Variants in WNT9A observed in about 807,000 individuals in gnomAD.
WNT9A encodes the protein Wnt family member 9A.
Under a neutral mutation model 31.4 loss-of-function variants are expected in WNT9A, and 8 were observed. The observed-to-expected ratio is 0.26, with a 90% CI of 0.15 to 0.46. The LOEUF (loss-of-function observed/expected upper bound fraction) is 0.46. Among genes scored for constraint, WNT9A ranks in the 20% least tolerant of loss-of-function variants. The pLI is 0.99. For synonymous variants in WNT9A, 236 were observed against 220.1 expected, an observed-to-expected ratio of 1.07 and a Z score of -0.64; for missense variants, 457 against 522.9, an observed-to-expected ratio of 0.87 and a Z score of 1.23.
intron 3 of WNT9A, 111 bp from the exon 4 acceptor site, chr1:227,922,111 G>A (rs905905488): frequency 6.8e-7 from 1 of 1,462,974 alleles, no homozygotes; most frequent in South Asian, 1.4e-5. Context: ...CCCAGGCCCA[G>A]GCCCTGCCGG....
chr1:227,939,448 C>CACCT (rs944454796), intron 1 of WNT9A, among the ~76,000 whole-genome samples: 3 of 152,172 alleles, frequency 2.0e-5, no homozygotes, highest in African/African-American at 7.2e-5. Context: ...GGGATTGGGC[C>CACCT]ACCCTGGGAG....
At chr1:227,929,701 G>A (rs867894034) in intron 1 of WNT9A, among the ~76,000 whole-genome samples, 33 of 152,360 alleles carry the variant, frequency 2.2e-4, no homozygotes, top group African/African-American at 7.5e-4. Flanking sequence ...AGGCGCAGTG[G>A]TGCATGCCTG....
chr1:227,946,940 T>A (rs1572138808), intron 1 of WNT9A, among the ~76,000 whole-genome samples: 2 of 151,942 alleles, frequency 1.3e-5, no homozygotes, highest in African/African-American at 2.4e-5. Flanking sequence ...GCGCTCGGGG[T>A]AGGAGGCTGG....
rs1666452097 is a variant in WNT9A at position 227,928,193 on chromosome 1, T to C, written c.96-2674A>G. Among the ~76,000 whole-genome samples, 1 of 152,120 alleles carries C rather than the reference T, an allele frequency of 6.6e-6. No homozygotes were observed. Among genetic ancestry groups the C allele is most frequent in the African/African-American group, 2.4e-5 (1 of 41,418 alleles). On this transcript the variant is annotated intron_variant, in intron 1 of 3. Transcript: ENST00000272164. The surrounding 1 kb of genome is among the most constrained non-coding windows in gnomAD (Gnocchi z 4.5). ...CCTTCCCTAGGGCACCCCTGAAGCA[T>C]GCAGACAGCAGGGCAGCAAGTGTGG... is the stretch of plus-strand genomic sequence containing the variant.
intron 1 of WNT9A, among the ~76,000 whole-genome samples, chr1:227,937,442 G>A (rs1276376417): frequency 1.3e-5 from 2 of 152,258 alleles, no homozygotes; most frequent in Admixed American, 6.5e-5. Context: ...TGCGTCTAAC[G>A]CAACCTCAGT....
chr1:227,933,403 A>C (rs1022475880), intron 1 of WNT9A, among the ~76,000 whole-genome samples: 1 of 152,226 alleles, frequency 6.6e-6, no homozygotes, highest in Admixed American at 6.5e-5. Context: ...TCTTCTATCC[A>C]GACCACTCAC....
intron 1 of WNT9A, among the ~76,000 whole-genome samples, chr1:227,929,434 T>C (rs1369204977): frequency 1.3e-5 from 2 of 152,236 alleles, no homozygotes; most frequent in African/African-American, 4.8e-5. Context: ...TCTGAATGTT[T>C]GTGTCTTCCC....
rs941912879 is a variant in WNT9A at position 227,926,044 on chromosome 1, G to C, written c.96-525C>G. Among the ~76,000 whole-genome samples the C allele has an allele frequency of 6.6e-6, 1 of 152,088 alleles. No homozygotes were observed. The highest frequency in any genetic ancestry group is 1.5e-5 in the Non-Finnish European group (1 of 67,990). On this transcript the variant is annotated intron_variant, in intron 1 of 3. Coordinates refer to ENST00000272164, the MANE Select transcript of WNT9A (RefSeq NM_003395.4). This position sits in a 1 kb window ranked among gnomAD's most constrained non-coding sequence, Gnocchi z 5.0. Reference sequence around the variant, plus strand: ...TCCTGTGGCCCCCTGCAGCTTCCCAGCACTCCTGCAGTCTACGCATATGTC... The same window carrying C: ...TCCTGTGGCCCCCTGCAGCTTCCCACCACTCCTGCAGTCTACGCATATGTC...
chr1:227,936,898 G>C (rs749014975), intron 1 of WNT9A, among the ~76,000 whole-genome samples: 8 of 152,076 alleles, frequency 5.3e-5, no homozygotes, highest in Non-Finnish European at 1.0e-4. Context: ...TTCAATTTCG[G>C]AAAACTCTCA....
chr1:227,937,893 C>A (rs1272140489), intron 1 of WNT9A, among the ~76,000 whole-genome samples: 1 of 152,230 alleles, frequency 6.6e-6, no homozygotes, highest in East Asian at 1.9e-4. Context: ...CTTCTAGGGC[C>A]ACCTGCGGTC....
chr1:227,921,940 C>T lies in WNT9A; in HGVS notation c.676G>A (p.Val226Met), dbSNP rs1236970155. Residue 226 changes from valine (V) to methionine (M), a missense_variant, in exon 4 of 4, where the codon GTG (valine) becomes ATG (methionine). Coordinates refer to ENST00000272164, the MANE Select transcript of WNT9A (RefSeq NM_003395.4). ...KCHGVSGSCTVRTCWRQLAPF... is the reference protein window; with the variant it reads ...KCHGVSGSCTMRTCWRQLAPF... ...GCCAACTGCCGCCAGCAGGTCCGCACCGTGCATGAGCCTGACACGCCGTGG... is the reference window on the plus strand; with the variant it reads ...GCCAACTGCCGCCAGCAGGTCCGCATCGTGCATGAGCCTGACACGCCGTGG... 6.2e-7 allele frequency: 1 copy of T among 1,613,000 alleles called. No homozygotes were observed. The highest frequency in any genetic ancestry group is 1.3e-5 in the African/African-American group (1 of 74,932).
intron 1 of WNT9A, among the ~76,000 whole-genome samples, chr1:227,940,524 T>C (rs879258897): frequency 9.2e-5 from 14 of 152,160 alleles, no homozygotes; most frequent in Non-Finnish European, 1.2e-4. Flanking sequence ...AAAGTCCACC[T>C]GGCTCCCCTC....
At chr1:227,932,462 G>A (rs1476110714) in intron 1 of WNT9A, among the ~76,000 whole-genome samples, 1 of 152,068 alleles carries the variant, frequency 6.6e-6, no homozygotes, top group Non-Finnish European at 1.5e-5. Flanking sequence ...CTGAGGGCTG[G>A]AATCAACATT....
Position 227,934,498 on chromosome 1 carries a change from T to C in WNT9A, c.96-8979A>G, listed in dbSNP as rs372238883. Among the ~76,000 whole-genome samples the C allele has an allele frequency of 3.9e-5, 6 of 152,344 alleles. No homozygotes were observed. The South Asian group carries it at 6.2e-4, about 16-fold the overall frequency. On this transcript the variant is annotated intron_variant, in intron 1 of 3. Transcript: ENST00000272164. The stretch of plus-strand genomic sequence containing the variant: ...AGACAGGAAACTAATGCAATGAGCC[T>C]CATCTTTCTGGATTAGTCTCAGATA...
chr1:227,938,578 C>T (rs576499288), intron 1 of WNT9A, among the ~76,000 whole-genome samples: 85 of 152,230 alleles, frequency 5.6e-4, no homozygotes, highest in South Asian at 1.2e-3. Flanking sequence ...CGCATACGCA[C>T]GTGCAGACAC....
intron 1 of WNT9A, among the ~76,000 whole-genome samples, chr1:227,946,085 G>A (rs1016178508): frequency 1.3e-5 from 2 of 152,204 alleles, no homozygotes; most frequent in African/African-American, 4.8e-5. Flanking sequence ...TGGGTCCTTT[G>A]GAGCCAAGAA....
chr1:227,926,031 C>T lies in WNT9A; in HGVS notation c.96-512G>A, dbSNP rs1666416404. 6.6e-6 allele frequency among the ~76,000 whole-genome samples: 1 copy of T among 152,120 alleles called. No individual in the cohort carries two copies. The highest frequency in any genetic ancestry group is 6.5e-5 in the Admixed American group (1 of 15,280). On this transcript the variant is annotated intron_variant, in intron 1 of 3. Transcript: ENST00000272164. The surrounding 1 kb of genome is among the most constrained non-coding windows in gnomAD (Gnocchi z 5.0). ...GGGATGTCTACAGTCCTGTGGCCCC[C>T]TGCAGCTTCCCAGCACTCCTGCAGT...
Position 227,942,816 on chromosome 1 carries a change from A to C in WNT9A, c.95+4977T>G, listed in dbSNP as rs1232537807. Among the ~76,000 whole-genome samples the C allele has an allele frequency of 1.3e-5, 2 of 149,754 alleles. No homozygotes were observed. The highest frequency in any genetic ancestry group is 4.9e-5 in the African/African-American group (2 of 40,506). ...AGCCTGAGCTCTCAGCTGCTCCCAAACCCCCCGGCCCACAGTGCTCAGAGC... is the reference window on the plus strand; with the variant it reads ...AGCCTGAGCTCTCAGCTGCTCCCAACCCCCCCGGCCCACAGTGCTCAGAGC... On this transcript the variant is annotated intron_variant, in intron 1 of 3. Coordinates refer to ENST00000272164, the MANE Select transcript of WNT9A (RefSeq NM_003395.4). The surrounding 1 kb of genome is among the most constrained non-coding windows in gnomAD (Gnocchi z 5.7).
chr1:227,937,069 G>A (rs571510444), intron 1 of WNT9A, among the ~76,000 whole-genome samples: 4 of 152,304 alleles, frequency 2.6e-5, no homozygotes, highest in African/African-American at 7.2e-5. Context: ...ATCTTCCGTT[G>A]TGCTAATTCC....
Sources: gnomAD v4.1 joint callset for allele counts (sites outside exome capture counted in the v4.1 genomes callset) on GRCh38, gnomAD v4.1.1 for gene constraint, Gnocchi (gnomAD v3.1) non-coding constraint, MANE v1.5 for transcripts, NCBI Gene and HGNC (gene_info 2026-07-23, HGNC 2026-07-21) for gene names.